The following PTPRD variants were observed in gnomAD, a reference collection of about 807,000 sequenced individuals.
PTPRD encodes the protein protein tyrosine phosphatase receptor type D, also known as receptor-type tyrosine-protein phosphatase delta.
Under a neutral mutation model 214.5 loss-of-function variants are expected in PTPRD, and 34 were observed. That is an observed-to-expected ratio of 0.16 (90% CI 0.12 to 0.21). The LOEUF is 0.21. Ranked by LOEUF, PTPRD falls within the 10% of genes least tolerant of loss-of-function variation. PTPRD has a pLI of 1.00. For synonymous variants in PTPRD, 1,128 were observed against 845.7 expected (o/e 1.33, Z -5.79); for missense variants, 2,545 against 2,398.7 (o/e 1.06, Z -1.27).
chr9:10,013,780 T>G (rs932186778), intron 4 of PTPRD, among the ~76,000 whole-genome samples: 1 of 152,026 alleles, frequency 6.6e-6, no homozygotes, highest in African/African-American at 2.4e-5. Context: ...CTTTTATGTT[T>G]TAAATTTCTG....
chr9:8,877,441 T>A (rs1483710809), intron 11 of PTPRD, among the ~76,000 whole-genome samples: 1 of 152,210 alleles, frequency 6.6e-6, no homozygotes, highest in Non-Finnish European at 1.5e-5. Flanking sequence ...ACTTTTATAG[T>A]GACAGTTTAC....
intron 21 of PTPRD, among the ~76,000 whole-genome samples, chr9:8,508,739 C>T (rs909667582): frequency 6.6e-6 from 1 of 152,004 alleles, no homozygotes; most frequent in Non-Finnish European, 1.5e-5. Context: ...AAATGTATTG[C>T]TTTCCTTTTC....
intron 4 of PTPRD, among the ~76,000 whole-genome samples, chr9:9,999,724 A>T (rs1454085657): frequency 6.6e-6 from 1 of 152,216 alleles, no homozygotes. Context: ...AGAGCAGGAT[A>T]AGTAGTTACA....
At chr9:8,798,718 G>A (rs186562847) in intron 11 of PTPRD, among the ~76,000 whole-genome samples, 75 of 152,286 alleles carry the variant, frequency 4.9e-4, no homozygotes, top group Admixed American at 4.9e-3. Flanking sequence ...GTGCCTTCTT[G>A]AAATTTACAG....
chr9:9,835,483 G>A (rs899605110), intron 5 of PTPRD, among the ~76,000 whole-genome samples: 1 of 152,084 alleles, frequency 6.6e-6, no homozygotes, highest in Admixed American at 6.6e-5. Flanking sequence ...TGTATTGTTG[G>A]CACACTGGAA....
intron 11 of PTPRD, among the ~76,000 whole-genome samples, chr9:8,775,849 A>C (rs2095449601): frequency 6.6e-6 from 1 of 151,858 alleles, no homozygotes; most frequent in Non-Finnish European, 1.5e-5. Flanking sequence ...ATGGAAAAAA[A>C]AAAATGATGC....
chr9:10,201,776 T>C (rs772264131), intron 3 of PTPRD, among the ~76,000 whole-genome samples: 14 of 152,122 alleles, frequency 9.2e-5, no homozygotes, highest in Non-Finnish European at 1.6e-4. Flanking sequence ...ATGTATGCGA[T>C]TATGATTTGT....
chr9:8,801,407 C>T lies in PTPRD; in HGVS notation c.-103-67461G>A, dbSNP rs1485084872. Among the ~76,000 whole-genome samples, 8 of 152,130 alleles carry T rather than the reference C, an allele frequency of 5.3e-5. No homozygotes were observed. In the East Asian group the frequency reaches 1.2e-3, roughly 22 times the overall value. ...TACATTTTAATCATTTTGATGATAACGTGAAATAAGGGTTGCCCATCAAAC... is the reference window on the plus strand; with the variant it reads ...TACATTTTAATCATTTTGATGATAATGTGAAATAAGGGTTGCCCATCAAAC... On this transcript the variant is annotated intron_variant, in intron 11 of 45. Transcript: ENST00000381196.
At chr9:10,064,104 A>G (rs1186344002) in intron 3 of PTPRD, among the ~76,000 whole-genome samples, 1 of 151,606 alleles carries the variant, frequency 6.6e-6, no homozygotes, top group Non-Finnish European at 1.5e-5. Flanking sequence ...TTTGTCTTCA[A>G]TGTGTAACTT....
intron 2 of PTPRD, among the ~76,000 whole-genome samples, chr9:10,377,612 G>T (rs1038865330): frequency 8.5e-5 from 13 of 152,094 alleles, no homozygotes; most frequent in African/African-American, 2.4e-4. Flanking sequence ...CCCTACAAAG[G>T]ACATGAACTC....
intron 10 of PTPRD, among the ~76,000 whole-genome samples, chr9:9,164,850 T>TAAAACAAAACAAAACAAAACAAAAC (rs80164907): frequency 5.0e-4 from 73 of 147,012 alleles, no homozygotes; most frequent in African/African-American, 1.5e-3. Context: ...CTGTCTCTAC[T>TAAAACAAAACAAAACAAAACAAAAC]AAAACAAAAC....
chr9:8,330,219 A>G (rs2131493593), intron 44 of PTPRD, among the ~76,000 whole-genome samples: 1 of 152,256 alleles, frequency 6.6e-6, no homozygotes, highest in South Asian at 2.1e-4. Flanking sequence ...CTGTCCAACC[A>G]GTCCCAATGA....
At chr9:10,573,066 A>C (rs2068000310) in intron 2 of PTPRD, among the ~76,000 whole-genome samples, 1 of 152,098 alleles carries the variant, frequency 6.6e-6, no homozygotes, top group Non-Finnish European at 1.5e-5. Context: ...GATCTGGGCA[A>C]TTACCAACAG....
intron 11 of PTPRD, among the ~76,000 whole-genome samples, chr9:8,856,011 T>C (rs1171460826): frequency 6.6e-6 from 1 of 152,204 alleles, no homozygotes; most frequent in Non-Finnish European, 1.5e-5. Flanking sequence ...TACATAATTA[T>C]GGAATGTGGG....
intron 3 of PTPRD, among the ~76,000 whole-genome samples, chr9:10,205,798 A>G (rs1262109636): frequency 1.3e-5 from 2 of 152,202 alleles, no homozygotes; most frequent in African/African-American, 4.8e-5. Flanking sequence ...ACTATTTTAT[A>G]ATAATTTTAA....
chr9:8,570,788 C>A (rs58948334), intron 14 of PTPRD, among the ~76,000 whole-genome samples: 3 of 151,582 alleles, frequency 2.0e-5, no homozygotes, highest in Non-Finnish European at 4.4e-5. Context: ...ATTGGTAATG[C>A]TATTCCTCTT....
intron 14 of PTPRD, among the ~76,000 whole-genome samples, chr9:8,587,954 G>T (rs1249895277): frequency 6.6e-6 from 1 of 152,170 alleles, no homozygotes; most frequent in Non-Finnish European, 1.5e-5. Flanking sequence ...TAATAGCTCT[G>T]TGCATCTCAG....
intron 2 of PTPRD, among the ~76,000 whole-genome samples, chr9:10,590,192 G>T (rs934675160): frequency 6.6e-6 from 1 of 151,798 alleles, no homozygotes; most frequent in Admixed American, 6.6e-5. Context: ...TACAAATTAG[G>T]GTATTCAGGC....
chr9:9,799,180 G>C (rs1452447785), intron 5 of PTPRD, among the ~76,000 whole-genome samples: 1 of 152,090 alleles, frequency 6.6e-6, no homozygotes, highest in African/African-American at 2.4e-5. Context: ...AAATAAATGA[G>C]ATAGGTTTGT....
Sources: allele counts gnomAD v4.1 joint callset (sites outside exome capture counted in the v4.1 genomes callset), GRCh38; gene constraint gnomAD v4.1.1; transcripts MANE v1.5; gene names NCBI Gene and HGNC (gene_info 2026-07-23, HGNC 2026-07-21).